Variants in OR4F5 observed in about 807,000 individuals in gnomAD.
The protein encoded by OR4F5 is olfactory receptor 4F5.
OR4F5 carries 1 observed loss-of-function variant against 5.8 expected under a neutral mutation model. The ratio of observed to expected loss-of-function variants is 0.17; its 90% CI spans 0.06 to 0.82. The LOEUF (loss-of-function observed/expected upper bound fraction) is 0.82. Among genes scored for constraint, OR4F5 ranks in the 40% least tolerant of loss-of-function variants. OR4F5 has a pLI of 0.72. For missense variants in OR4F5, 47 were observed against 175.5 expected (o/e 0.27, Z 4.14); for synonymous variants, 18 against 63.7 (o/e 0.28, Z 3.42).
rs1406051311 is a variant in OR4F5, at chr1:66,281, AT to A, written c.9+710del. On this transcript the variant is annotated intron_variant, in intron 2 of 2. Transcript: ENST00000641515. Reference sequence around the variant, plus strand: ...ATAATATAAATATAATATAAATTATATTATATAATATATAATATAAATATAA... The same window carrying A: ...ATAATATAAATATAATATAAATTATATATATAATATATAATATAAATATAA... Among the ~76,000 whole-genome samples, 7 of 41,678 alleles carry A rather than the reference AT, an allele frequency of 1.7e-4. No homozygotes were observed. In the East Asian group the frequency reaches 1.9e-3, roughly 11 times the overall value. 27.3% of individuals were successfully genotyped at this position (41,678 alleles called of 152,430 possible).
At position 70,351 on chromosome 1, in the gene OR4F5, TA is replaced by T. The variant is rs528419934; in HGVS notation, c.*352del. The T allele has an allele frequency of 0.06, 7,272 of 122,156 alleles. 1,307 individuals carry two copies. The highest frequency in any genetic ancestry group is 0.098 in the Non-Finnish European group (4,855 of 49,464). The allele number at this position is 122,156 out of a possible 1,614,324, so 7.6% of individuals were successfully genotyped here. A position where few individuals can be genotyped will look rare whatever the true frequency, so the allele number is the denominator to read the frequency against. ...GAAAATATAGCCTAGCTTATAAATTTAAAAAAAAATTTATTTGGTCCATTTT... is the reference window on the plus strand; with the variant it reads ...GAAAATATAGCCTAGCTTATAAATTTAAAAAAAATTTATTTGGTCCATTTT... On this transcript the variant is annotated 3_prime_UTR_variant, in exon 3 of 3. Coordinates refer to ENST00000641515, the MANE Select transcript of OR4F5 (RefSeq NM_001005484.2).
At chr1:66,052 G>A (rs1639932211) in intron 2 of OR4F5, among the ~76,000 whole-genome samples, 1 of 118,398 alleles carries the variant, frequency 8.4e-6, no homozygotes, top group African/African-American at 2.7e-5. Context: ...GGAAAGCTAA[G>A]GCCCAGAGAT....
At chr1:66,085 C>A (rs1639932433) in intron 2 of OR4F5, among the ~76,000 whole-genome samples, 1 of 116,114 alleles carries the variant, frequency 8.6e-6, no homozygotes, top group African/African-American at 2.7e-5. Context: ...TTCCCATGAT[C>A]ACACTGTGAA....
chr1:66,175 T>TA (rs1491253664), intron 2 of OR4F5, among the ~76,000 whole-genome samples: 4 of 94,698 alleles, frequency 4.2e-5, no homozygotes, highest in African/African-American at 9.9e-5. Context: ...TATATATATA[T>TA]TATATATACT....
intron 2 of OR4F5, among the ~76,000 whole-genome samples, chr1:66,381 T>TATATAATATAATATATATAATATA (rs1557435573): frequency 4.6e-5 from 3 of 65,274 alleles, no homozygotes; most frequent in South Asian, 6.6e-4. Context: ...ATATATAAAT[T>TATATAATATAATATATATAATATA]ATATAATATA....
intron 2 of OR4F5, among the ~76,000 whole-genome samples, chr1:66,851 T>C (rs1253958086): frequency 9.3e-6 from 1 of 107,260 alleles, no homozygotes; most frequent in East Asian, 2.0e-4. Flanking sequence ...ATTATGGTGG[T>C]GAAGGATCCC....
At chr1:67,269 A>G (rs1450572490) in intron 2 of OR4F5, among the ~76,000 whole-genome samples, 1 of 115,044 alleles carries the variant, frequency 8.7e-6, no homozygotes, top group African/African-American at 2.6e-5. Flanking sequence ...GATTTATTCC[A>G]CTATTAGACT....
At chr1:66,951 A>G (rs2100335247) in intron 2 of OR4F5, among the ~76,000 whole-genome samples, 2 of 105,428 alleles carry the variant, frequency 1.9e-5, no homozygotes, top group South Asian at 5.8e-4. Context: ...AATTCTTACT[A>G]ACAGCCATGA....
At chr1:66,577 A>AATATATG (rs1311845864) in intron 2 of OR4F5, among the ~76,000 whole-genome samples, 1 of 57,508 alleles carries the variant, frequency 1.7e-5, no homozygotes, top group Non-Finnish European at 3.9e-5. Context: ...AATATGTATA[A>AATATATG]TATATATTAT....
rs1371491434 is a variant in OR4F5, at chr1:70,479, C to T, written c.*471C>T. The T allele has an allele frequency of 3.0e-5, 3 of 99,160 alleles. No homozygotes were observed. The highest frequency in any genetic ancestry group is 9.1e-5 in the African/African-American group (3 of 32,918). The allele number at this position is 99,160 out of a possible 1,614,324, so 6.1% of individuals were successfully genotyped here. On this transcript the variant is annotated 3_prime_UTR_variant, in exon 3 of 3. Transcript: ENST00000641515. ...CTTTTAAGAGGTTGAAAAACAAACGCCTCCCATTATAAGTTTATACTTCAC... is the reference window on the plus strand; with the variant it reads ...CTTTTAAGAGGTTGAAAAACAAACGTCTCCCATTATAAGTTTATACTTCAC...
In OR4F5 at chr1:66,461, T is replaced by C. The variant is rs537764868; in HGVS notation, c.9+888T>C. 2.6e-5 allele frequency among the ~76,000 whole-genome samples: 2 copies of C among 76,726 alleles called. 1 individual carries two copies. Among genetic ancestry groups the C allele is most frequent in the Admixed American group, 4.5e-4 (2 of 4,454 alleles). 50.3% of individuals were successfully genotyped at this position (76,726 alleles called of 152,430 possible). A position where few individuals can be genotyped will look rare whatever the true frequency, so the allele number is the denominator to read the frequency against. ...TTATATTATATAATATATATTTTAT[T>C]ATATAATATATATTATATATTTATA... On this transcript the variant is annotated intron_variant, in intron 2 of 2. Coordinates refer to ENST00000641515, the MANE Select transcript of OR4F5 (RefSeq NM_001005484.2).
At position 67,206 on chromosome 1, in the gene OR4F5, A is replaced by T. The variant is rs1435796365; in HGVS notation, c.9+1633A>T. Among the ~76,000 whole-genome samples the T allele has an allele frequency of 2.5e-5, 3 of 119,278 alleles. 1 individual carries two copies. The highest frequency in any genetic ancestry group is 6.2e-5 in the Non-Finnish European group (3 of 48,744). 78.3% of individuals were successfully genotyped at this position (119,278 alleles called of 152,430 possible). A position where few individuals can be genotyped will look rare whatever the true frequency, so the allele number is the denominator to read the frequency against. ...ATCGTTTGTACTGTCAATGATTAGTATGATTATATTTATTACCGTGCTAAG... is the reference window on the plus strand; with the variant it reads ...ATCGTTTGTACTGTCAATGATTAGTTTGATTATATTTATTACCGTGCTAAG... On this transcript the variant is annotated intron_variant, in intron 2 of 2. Coordinates refer to ENST00000641515, the MANE Select transcript of OR4F5 (RefSeq NM_001005484.2).
chr1:66,040 C>T (rs567174605), intron 2 of OR4F5, among the ~76,000 whole-genome samples: 20 of 119,366 alleles, frequency 1.7e-4, no homozygotes, highest in African/African-American at 5.4e-4. Context: ...ATTTTAAAAA[C>T]AGGAAAGCTA....
chr1:66,577 A>AATATATTTATATATTATATAAATATATT (rs1311845864), intron 2 of OR4F5, among the ~76,000 whole-genome samples: 3 of 57,498 alleles, frequency 5.2e-5, no homozygotes, highest in Non-Finnish European at 1.2e-4. Flanking sequence ...AATATGTATA[A>AATATATTTATATATTATATAAATATATT]TATATATTAT....
At chr1:67,247 G>T (rs1639957320) in intron 2 of OR4F5, among the ~76,000 whole-genome samples, 1 of 116,454 alleles carries the variant, frequency 8.6e-6, no homozygotes. Context: ...GAGAAATGAA[G>T]TGAATGTTCA....
chr1:68,543 C>T (rs1316777258), intron 2 of OR4F5, among the ~76,000 whole-genome samples: 1 of 39,022 alleles, frequency 2.6e-5, no homozygotes, highest in Non-Finnish European at 9.3e-5. Context: ...ATTTTCCTCA[C>T]TTTTTCTCAC....
At chr1:66,381 T>TATATAATATATATAATATA (rs1639942855) in intron 2 of OR4F5, among the ~76,000 whole-genome samples, 3 of 65,268 alleles carry the variant, frequency 4.6e-5, no homozygotes, top group African/African-American at 1.6e-4. Context: ...ATATATAAAT[T>TATATAATATATATAATATA]ATATAATATA....
Position 68,289 on chromosome 1 carries a change from A to G in OR4F5, c.10-748A>G, listed in dbSNP as rs1266945523. Among the ~76,000 whole-genome samples the G allele has an allele frequency of 2.7e-5, 3 of 111,638 alleles. 1 individual carries two copies. Among genetic ancestry groups the G allele is most frequent in the Non-Finnish European group, 4.4e-5 (2 of 45,312 alleles). 73.2% of individuals were successfully genotyped at this position (111,638 alleles called of 152,430 possible). The stretch of plus-strand genomic sequence containing the variant: ...CTTCATTCACCCCTTTCCTGCTCAC[A>G]CAACCACAACCTGCAGCTATTACCT... On this transcript the variant is annotated intron_variant, in intron 2 of 2. Coordinates refer to ENST00000641515, the MANE Select transcript of OR4F5 (RefSeq NM_001005484.2).
At chr1:66,386 A>T (rs1253737852) in intron 2 of OR4F5, among the ~76,000 whole-genome samples, 3 of 67,786 alleles carry the variant, frequency 4.4e-5, no homozygotes, top group African/African-American at 1.0e-4. Context: ...TAAATTATAT[A>T]ATATAATATA....
Sources: allele counts gnomAD v4.1 joint callset (sites outside exome capture counted in the v4.1 genomes callset), GRCh38; gene constraint gnomAD v4.1.1; transcripts MANE v1.5; gene names NCBI Gene and HGNC (gene_info 2026-07-23, HGNC 2026-07-21).